The following SPATA16 variants were observed in gnomAD, a reference collection of about 807,000 sequenced individuals.
The protein encoded by SPATA16 is spermatogenesis-associated protein 16.
A neutral mutation model predicts 63.3 loss-of-function variants in SPATA16; 36 were observed. The ratio of observed to expected loss-of-function variants is 0.57; its 90% CI spans 0.44 to 0.75. The LOEUF (loss-of-function observed/expected upper bound fraction) is 0.75, where lower values mean the gene tolerates loss of function less well. SPATA16 is among the 30% of genes least tolerant of loss of function. SPATA16 has a pLI of 0.00. For synonymous variants in SPATA16, 203 were observed against 216.7 expected, an observed-to-expected ratio of 0.94 and a Z score of 0.56; for missense variants, 646 against 679.3, an observed-to-expected ratio of 0.95 and a Z score of 0.54.
chr3:172,917,257 A>G (rs1225569798), intron 8 of SPATA16, among the ~76,000 whole-genome samples: 5 of 152,248 alleles, frequency 3.3e-5, no homozygotes, highest in Non-Finnish European at 2.9e-5. Context: ...ACAAATTGTA[A>G]TGCTTGATAG....
intron 3 of SPATA16, among the ~76,000 whole-genome samples, chr3:173,026,973 G>A (rs1420314851): frequency 6.6e-6 from 1 of 151,724 alleles, no homozygotes; most frequent in Non-Finnish European, 1.5e-5. Flanking sequence ...TGTCTGCTGG[G>A]ATTTTGATAA....
chr3:172,908,738 T>C (rs1254501136), intron 10 of SPATA16, among the ~76,000 whole-genome samples: 2 of 152,216 alleles, frequency 1.3e-5, no homozygotes, highest in Non-Finnish European at 2.9e-5. Context: ...TTTCATTAGT[T>C]ACAACAGCTG....
At chr3:172,961,065 T>C (rs866560048) in intron 5 of SPATA16, among the ~76,000 whole-genome samples, 427 of 40,088 alleles carry the variant, frequency 0.011, 20 homozygotes, top group African/African-American at 0.037. Flanking sequence ...CTTTCTTTCT[T>C]CTTTCTTCCT....
At chr3:172,917,808 T>A (rs1732528877) in intron 8 of SPATA16, among the ~76,000 whole-genome samples, 1 of 152,240 alleles carries the variant, frequency 6.6e-6, no homozygotes, top group Non-Finnish European at 1.5e-5. Context: ...TGCTAGAAAC[T>A]AATATTACTG....
intron 2 of SPATA16, among the ~76,000 whole-genome samples, chr3:173,092,252 A>G (rs949697223): frequency 6.6e-6 from 1 of 152,196 alleles, no homozygotes; most frequent in Non-Finnish European, 1.5e-5. Context: ...AAGTCAAGTA[A>G]TATCTCATAG....
chr3:173,030,165 A>AATACTTATG (rs1735570366), intron 3 of SPATA16, among the ~76,000 whole-genome samples: 1 of 143,890 alleles, frequency 6.9e-6, no homozygotes, highest in Non-Finnish European at 1.5e-5. Context: ...TAGCTTATAA[A>AATACTTATG]ATACTTATGA....
At chr3:173,050,345 G>A (rs1055627075) in intron 2 of SPATA16, among the ~76,000 whole-genome samples, 2 of 151,972 alleles carry the variant, frequency 1.3e-5, no homozygotes, top group African/African-American at 4.8e-5. Flanking sequence ...CTTTTGCTTG[G>A]CTATCTTATT....
At chr3:173,044,598 T>G (rs1429178752) in intron 3 of SPATA16, among the ~76,000 whole-genome samples, 6 of 152,204 alleles carry the variant, frequency 3.9e-5, no homozygotes, top group African/African-American at 1.4e-4. Flanking sequence ...TATATCTGGT[T>G]CTACATCTTG....
At chr3:173,071,241 G>T (rs1736667487) in intron 2 of SPATA16, among the ~76,000 whole-genome samples, 1 of 152,138 alleles carries the variant, frequency 6.6e-6, no homozygotes, top group South Asian at 2.1e-4. Flanking sequence ...ATGGTGCTGA[G>T]AAAACTAGAT....
At chr3:172,956,023 A>G (rs1733585194) in intron 6 of SPATA16, among the ~76,000 whole-genome samples, 1 of 152,166 alleles carries the variant, frequency 6.6e-6, no homozygotes, top group Non-Finnish European at 1.5e-5. Flanking sequence ...GATTTTCTTA[A>G]CACGGAAGTC....
chr3:172,978,960 G>A lies in SPATA16; in HGVS notation c.849-1908C>T, dbSNP rs538122462. Among the ~76,000 whole-genome samples the A allele has an allele frequency of 7.2e-4, 109 of 152,322 alleles. 1 individual carries two copies. Among genetic ancestry groups the A allele is most frequent in the Non-Finnish European group, 9.7e-4 (66 of 68,030 alleles). ...GTCAATCAATAGTCTGATGCTGGCCGGGCGCGTTGGCTCATGCCTGTAATC... is the reference window on the plus strand; with the variant it reads ...GTCAATCAATAGTCTGATGCTGGCCAGGCGCGTTGGCTCATGCCTGTAATC... On this transcript the variant is annotated intron_variant, in intron 4 of 10. Transcript: ENST00000351008.
chr3:172,952,986 C>G (rs1453834230), intron 6 of SPATA16, among the ~76,000 whole-genome samples: 1 of 150,924 alleles, frequency 6.6e-6, no homozygotes, highest in Admixed American at 6.6e-5. Flanking sequence ...AACAACTAGC[C>G]AGTTTTTGCC....
At chr3:173,140,393 C>T (rs1283481421) in intron 1 of SPATA16, among the ~76,000 whole-genome samples, 1 of 152,134 alleles carries the variant, frequency 6.6e-6, no homozygotes, top group Non-Finnish European at 1.5e-5. Context: ...AAAGCTGGAA[C>T]CTATTTTTAA....
intron 6 of SPATA16, among the ~76,000 whole-genome samples, chr3:172,954,080 A>G (rs1253883213): frequency 1.3e-5 from 2 of 152,250 alleles, no homozygotes; most frequent in African/African-American, 2.4e-5. Context: ...CTTAAATTCT[A>G]TCTACAAGGC....
intron 5 of SPATA16, among the ~76,000 whole-genome samples, chr3:172,969,685 T>C (rs11918044): frequency 0.039 from 5,935 of 152,216 alleles, 395 homozygotes; most frequent in African/African-American, 0.14. Flanking sequence ...TTTTGGTAGA[T>C]TGAGTTGTGG....
chr3:172,953,532 T>C lies in SPATA16; in HGVS notation c.1081+3145A>G, dbSNP rs560503817. Among the ~76,000 whole-genome samples, 175 of 151,926 alleles carry C rather than the reference T, an allele frequency of 1.2e-3. 5 individuals carry two copies. In the South Asian group the frequency reaches 0.014, roughly 12 times the overall value. On this transcript the variant is annotated intron_variant, in intron 6 of 10. Transcript: ENST00000351008. ...ACTGGTACGGTAAGGGTGGTTGGAG[T>C]ACATACGAAGAAGCAACTACACCAA...
chr3:173,133,518 C>T (rs982274213), intron 1 of SPATA16, among the ~76,000 whole-genome samples: 1 of 152,168 alleles, frequency 6.6e-6, no homozygotes, highest in African/African-American at 2.4e-5. Context: ...ACTCTCTCCT[C>T]AGAGATCTGA....
At chr3:173,051,154 T>G (rs1468034956) in intron 2 of SPATA16, among the ~76,000 whole-genome samples, 1 of 152,226 alleles carries the variant, frequency 6.6e-6, no homozygotes, top group African/African-American at 2.4e-5. Flanking sequence ...TATGTAGTTT[T>G]ATTTATCCAT....
chr3:173,075,311 C>T (rs1405910600), intron 2 of SPATA16, among the ~76,000 whole-genome samples: 1 of 152,006 alleles, frequency 6.6e-6, no homozygotes, highest in Non-Finnish European at 1.5e-5. Flanking sequence ...AAAAGGGAAA[C>T]CCTTGTACAC....
Sources: allele counts gnomAD v4.1 joint callset (sites outside exome capture counted in the v4.1 genomes callset), GRCh38; gene constraint gnomAD v4.1.1; transcripts MANE v1.5; gene names NCBI Gene and HGNC (gene_info 2026-07-23, HGNC 2026-07-21).